Variants in MYO3B observed in about 807,000 individuals in gnomAD.
MYO3B encodes the protein myosin IIIB.
A neutral mutation model predicts 174.6 loss-of-function variants in MYO3B; 156 were observed. That is an observed-to-expected ratio of 0.89 (90% confidence interval 0.78 to 1.02). The LOEUF is 1.02. Ranked by LOEUF, MYO3B falls within the 50% of genes least tolerant of loss-of-function variation. MYO3B has a pLI of 0.00. For missense variants in MYO3B, 1,632 were observed against 1,639.4 expected (o/e 1.00, Z 0.08); for synonymous variants, 563 against 569.1 (o/e 0.99, Z 0.15).
intron 7 of MYO3B, among the ~76,000 whole-genome samples, chr2:170,248,832 A>G (rs2093220504): frequency 6.6e-6 from 1 of 152,222 alleles, no homozygotes; most frequent in East Asian, 1.9e-4. Context: ...CTCTCTTGCC[A>G]TATAACCTAA....
At chr2:170,221,854 C>T (rs772082671) in intron 6 of MYO3B, among the ~76,000 whole-genome samples, 7 of 152,032 alleles carry the variant, frequency 4.6e-5, no homozygotes, top group South Asian at 2.1e-4. Flanking sequence ...GGGCATGCCC[C>T]AACATGCCTG....
chr2:170,510,241 A>G (rs1172188018), intron 28 of MYO3B, among the ~76,000 whole-genome samples: 2 of 152,168 alleles, frequency 1.3e-5, no homozygotes, highest in Non-Finnish European at 2.9e-5. Context: ...TTAGAAGCAA[A>G]TTGGATCCTG....
Position 170,568,282 on chromosome 2 carries a change from T to C in MYO3B, c.3733+24294T>C, listed in dbSNP as rs74835301. On this transcript the variant is annotated intron_variant, in intron 32 of 34. Transcript: ENST00000408978. Reference sequence around the variant, plus strand: ...GTGTGGTATATATTCCCAGATACTATGCACAATGCATTTGGTAATAACAGG... The same window carrying C: ...GTGTGGTATATATTCCCAGATACTACGCACAATGCATTTGGTAATAACAGG... Among the ~76,000 whole-genome samples the C allele has an allele frequency of 8.7e-3, 1,320 of 152,330 alleles. 18 individuals carry two copies. Among genetic ancestry groups the C allele is most frequent in the African/African-American group, 0.028 (1,147 of 41,578 alleles).
Position 170,514,923 on chromosome 2 carries a change from G to A in MYO3B, c.3373G>A (p.Asp1125Asn). ...AGTCTTTTTGTTTCATTCCACAGGG[G>A]ACACTTCAAACCAAAGCAGTGGGCC... ...NESAAHNQAGDTSNQSSGPHS... is the reference protein window; with the variant it reads ...NESAAHNQAGNTSNQSSGPHS... The change falls in exon 29 of 35, where the codon GAC (aspartate) becomes AAC (asparagine). Residue 1125 changes from aspartate (D) to asparagine (N), a missense_variant and splice_region_variant. Asp to Asn is a conservative substitution (Grantham distance 23). Transcript: ENST00000408978. 1 of 1,613,486 alleles carries A rather than the reference G, an allele frequency of 6.2e-7. No individual in the cohort carries two copies.
At chr2:170,634,140 A>C (rs1174630218) in intron 32 of MYO3B, among the ~76,000 whole-genome samples, 1 of 152,244 alleles carries the variant, frequency 6.6e-6, no homozygotes, top group Non-Finnish European at 1.5e-5. Context: ...ATGGAAACAA[A>C]AAAGAGCCCA....
At chr2:170,225,518 T>C (rs2105391993) in intron 6 of MYO3B, among the ~76,000 whole-genome samples, 1 of 152,340 alleles carries the variant, frequency 6.6e-6, no homozygotes, top group East Asian at 1.9e-4. Context: ...GTGTAATTAA[T>C]GCCCAAGAGA....
chr2:170,259,342 A>G (rs921214656), intron 7 of MYO3B, among the ~76,000 whole-genome samples: 3 of 152,234 alleles, frequency 2.0e-5, no homozygotes, highest in African/African-American at 7.2e-5. Context: ...GCCAAAAAGC[A>G]TGGTACTGGT....
intron 7 of MYO3B, among the ~76,000 whole-genome samples, chr2:170,300,821 A>G (rs756904727): frequency 2.0e-5 from 3 of 152,206 alleles, no homozygotes; most frequent in Non-Finnish European, 2.9e-5. Context: ...TTACTTGATA[A>G]GACTTATATT....
At chr2:170,462,952 G>A (rs1192340533) in intron 23 of MYO3B, among the ~76,000 whole-genome samples, 2 of 152,250 alleles carry the variant, frequency 1.3e-5, no homozygotes, top group African/African-American at 4.8e-5. Flanking sequence ...GAAGGCAACT[G>A]GTGCTGGCCT....
At chr2:170,563,228 T>G (rs899430476) in intron 32 of MYO3B, among the ~76,000 whole-genome samples, 16 of 152,130 alleles carry the variant, frequency 1.1e-4, no homozygotes, top group African/African-American at 3.9e-4. Flanking sequence ...TGGAGTATTG[T>G]TTAATAAAGG....
At chr2:170,213,117 A>T (rs1281224188) in intron 3 of MYO3B, among the ~76,000 whole-genome samples, 1 of 152,168 alleles carries the variant, frequency 6.6e-6, no homozygotes, top group African/African-American at 2.4e-5. Flanking sequence ...CTGCACGTTG[A>T]CTTCTGCAAT....
chr2:170,378,649 C>T (rs1389039961), intron 9 of MYO3B, among the ~76,000 whole-genome samples: 2 of 152,168 alleles, frequency 1.3e-5, no homozygotes, highest in Non-Finnish European at 2.9e-5. Flanking sequence ...CCTTCAGGCT[C>T]AGAAGATACC....
chr2:170,202,052 A>T (rs1559295671), intron 3 of MYO3B, among the ~76,000 whole-genome samples: 1 of 152,196 alleles, frequency 6.6e-6, no homozygotes. Context: ...TGGTGAATGA[A>T]CATCCTTCCT....
At chr2:170,433,419 G>T (rs776895638) in intron 22 of MYO3B, among the ~76,000 whole-genome samples, 1 of 152,188 alleles carries the variant, frequency 6.6e-6, no homozygotes, top group Non-Finnish European at 1.5e-5. Context: ...ATTTATATAA[G>T]CTGCTTAGAA....
chr2:170,418,941 T>C (rs1463491161), intron 22 of MYO3B, among the ~76,000 whole-genome samples: 1 of 152,240 alleles, frequency 6.6e-6, no homozygotes, highest in Non-Finnish European at 1.5e-5. Flanking sequence ...TGGGGAACTG[T>C]CCCATTTTGA....
At chr2:170,312,494 A>G (rs954626438) in intron 7 of MYO3B, among the ~76,000 whole-genome samples, 8 of 152,252 alleles carry the variant, frequency 5.3e-5, no homozygotes, top group Admixed American at 5.2e-4. Flanking sequence ...ATGTCATGTC[A>G]TTGCCTAGGC....
intron 22 of MYO3B, among the ~76,000 whole-genome samples, chr2:170,424,833 G>C (rs1476296037): frequency 6.6e-6 from 1 of 152,104 alleles, no homozygotes; most frequent in Admixed American, 6.5e-5. Context: ...ATCCTGCTAA[G>C]TATAGAAAAC....
chr2:170,366,696 C>A (rs1272832804), intron 8 of MYO3B, among the ~76,000 whole-genome samples: 1 of 152,176 alleles, frequency 6.6e-6, no homozygotes, highest in Non-Finnish European at 1.5e-5. Flanking sequence ...TCTTCTTTGT[C>A]TAATTCTCTG....
Position 170,400,238 on chromosome 2 carries a change from C to T in MYO3B, c.1842C>T (p.Asn614=). The T allele has an allele frequency of 1.2e-6, 2 of 1,613,906 alleles. No individual in the cohort carries two copies. Among genetic ancestry groups the T allele is most frequent in the Non-Finnish European group, 1.7e-6 (2 of 1,179,926 alleles). The change falls in exon 17 of 35, where the codon AAC becomes AAT. Residue 614 remains asparagine, a synonymous_variant. Coordinates refer to ENST00000408978, the MANE Select transcript of MYO3B (RefSeq NM_138995.5). ...TGGCTGGGATTTTGAATATTGGGAA[C>T]ATTGAGTTCGCAGCTATTTCCTCTC... ...RILAGILNIG[N]IEFAAISSQH...
Sources: allele counts gnomAD v4.1 joint callset (sites outside exome capture counted in the v4.1 genomes callset), GRCh38; gene constraint gnomAD v4.1.1; transcripts MANE v1.5; gene names NCBI Gene and HGNC (gene_info 2026-07-23, HGNC 2026-07-21).